The following TSGA10 variants were observed in gnomAD, a reference collection of about 807,000 sequenced individuals.
The protein encoded by TSGA10 is testis-specific gene 10 protein.
A neutral mutation model predicts 96.6 loss-of-function variants in TSGA10; 43 were observed. The observed-to-expected ratio is 0.44, with a 90% CI of 0.35 to 0.57. The LOEUF is 0.57. TSGA10 is among the 20% of genes least tolerant of loss of function. TSGA10 has a pLI of 0.01. For synonymous variants in TSGA10, 229 were observed against 269.9 expected, an observed-to-expected ratio of 0.85 and a Z score of 1.48; for missense variants, 703 against 834.4, an observed-to-expected ratio of 0.84 and a Z score of 1.94.
chr2:99,107,011 T>A (rs1024673175), intron 7 of TSGA10, among the ~76,000 whole-genome samples: 1 of 152,160 alleles, frequency 6.6e-6, no homozygotes, highest in African/African-American at 2.4e-5. Context: ...TGATGGCAAT[T>A]ACGACCTGAG....
intron 20 of TSGA10, among the ~76,000 whole-genome samples, chr2:99,006,113 C>A (rs573716285): frequency 2.3e-4 from 35 of 152,286 alleles, no homozygotes; most frequent in Admixed American, 1.8e-3. Flanking sequence ...AAACTGGATC[C>A]CTTCCTTACA....
chr2:99,047,030 T>A (rs949093069), intron 16 of TSGA10, among the ~76,000 whole-genome samples: 4 of 152,156 alleles, frequency 2.6e-5, no homozygotes, highest in Non-Finnish European at 5.9e-5. Context: ...CAGGAAGAAG[T>A]TGAATCCCTG....
intron 10 of TSGA10, among the ~76,000 whole-genome samples, chr2:99,098,565 A>G (rs962790892): frequency 6.6e-5 from 10 of 151,180 alleles, no homozygotes; most frequent in African/African-American, 2.4e-4. Context: ...AGAGGAAAGG[A>G]AATAATAAGA....
chr2:99,104,909 G>A (rs1397719296), intron 9 of TSGA10, among the ~76,000 whole-genome samples: 1 of 151,996 alleles, frequency 6.6e-6, no homozygotes, highest in Non-Finnish European at 1.5e-5. Flanking sequence ...TATATTCGTA[G>A]CAATATCAAA....
chr2:99,079,234 T>C (rs1203241683), intron 11 of TSGA10, among the ~76,000 whole-genome samples: 8 of 152,310 alleles, frequency 5.3e-5, no homozygotes, highest in African/African-American at 1.9e-4. Flanking sequence ...TAACAAATCT[T>C]AATAAAATAT....
Position 99,109,003 on chromosome 2 carries a change from T to C in TSGA10, c.52-12A>G, listed in dbSNP as rs377642881. On this transcript the variant is annotated splice_polypyrimidine_tract_variant and intron_variant, in intron 6 of 20. Coordinates refer to ENST00000393483, the MANE Select transcript of TSGA10 (RefSeq NM_025244.4). Reference sequence around the variant, plus strand: ...TCACAGTTTGCACCCTATAATTATATAAGGAATTTGAAATCTTCTTTGATA... The same window carrying C: ...TCACAGTTTGCACCCTATAATTATACAAGGAATTTGAAATCTTCTTTGATA... 3.4e-5 allele frequency: 51 copies of C among 1,487,588 alleles called. No individual in the cohort carries two copies. The African/African-American group carries it at 6.6e-4, about 19-fold the overall frequency. 92.1% of individuals were successfully genotyped at this position (1,487,588 alleles called of 1,614,324 possible). A position where few individuals can be genotyped will look rare whatever the true frequency, so the allele number is the denominator to read the frequency against.
chr2:99,095,156 C>T (rs1205094025), intron 10 of TSGA10, among the ~76,000 whole-genome samples: 1 of 152,066 alleles, frequency 6.6e-6, no homozygotes, highest in Non-Finnish European at 1.5e-5. Flanking sequence ...AATGGAAAAC[C>T]AAACATCTTA....
intron 13 of TSGA10, 65 bp from the exon 14 acceptor site, chr2:99,071,939 A>C: frequency 2.9e-5 from 41 of 1,419,674 alleles, no homozygotes; most frequent in Non-Finnish European, 3.6e-5. Context: ...ACAAATTCTC[A>C]CAAGACAGAA....
In TSGA10 at chr2:99,109,530, T is replaced by G; in HGVS notation, c.-73-18A>C. On this transcript the variant is annotated intron_variant, in intron 5 of 20. Transcript: ENST00000393483. The stretch of plus-strand genomic sequence containing the variant: ...AATCAAGTCTAGAAGGAGATTTATT[T>G]TGTGCTTTTTCAGTATCTAAAATTA... The G allele has an allele frequency of 6.6e-7, 1 of 1,514,544 alleles. No individual in the cohort carries two copies. The highest frequency in any genetic ancestry group is 1.4e-5 in the South Asian group (1 of 72,450). 93.8% of individuals were successfully genotyped at this position (1,514,544 alleles called of 1,614,324 possible). A position where few individuals can be genotyped will look rare whatever the true frequency, so the allele number is the denominator to read the frequency against.
intron 20 of TSGA10, among the ~76,000 whole-genome samples, chr2:99,010,337 A>G (rs1232930033): frequency 6.6e-6 from 1 of 152,198 alleles, no homozygotes; most frequent in Non-Finnish European, 1.5e-5. Flanking sequence ...ATACCAGGAA[A>G]ACCAAAAGAA....
Position 99,051,563 on chromosome 2 carries a change from T to C in TSGA10, c.1404+13376A>G, listed in dbSNP as rs558088433. On this transcript the variant is annotated intron_variant, in intron 16 of 20. Coordinates refer to ENST00000393483, the MANE Select transcript of TSGA10 (RefSeq NM_025244.4). ...GACTTCAATACAGCACTTACAATAA[T>C]GTTACCACAATAAGGCAGAAGATAA... 2.0e-5 allele frequency among the ~76,000 whole-genome samples: 3 copies of C among 152,240 alleles called. No individual in the cohort carries two copies. In the East Asian group the frequency reaches 5.8e-4, roughly 29 times the overall value.
chr2:99,016,892 T>C (rs1027905776), intron 20 of TSGA10, among the ~76,000 whole-genome samples: 1 of 152,030 alleles, frequency 6.6e-6, no homozygotes, highest in South Asian at 2.1e-4. Flanking sequence ...AACAAACATA[T>C]GAAAAGATGC....
At chr2:99,054,707 A>T (rs2083782317) in intron 16 of TSGA10, among the ~76,000 whole-genome samples, 4 of 152,214 alleles carry the variant, frequency 2.6e-5, no homozygotes, top group Non-Finnish European at 5.9e-5. Context: ...GACATTTCTC[A>T]AAAGAAGTCA....
chr2:99,035,188 C>T, intron 17 of TSGA10, 42 bp downstream of exon 17: 1 of 1,416,232 alleles, frequency 7.1e-7, no homozygotes, highest in Non-Finnish European at 9.6e-7. Context: ...ACTAACTTTA[C>T]AGTAATAGCA....
intron 1 of TSGA10, among the ~76,000 whole-genome samples, chr2:99,134,520 G>A (rs1359332143): frequency 6.6e-6 from 1 of 152,084 alleles, no homozygotes; most frequent in Non-Finnish European, 1.5e-5. Flanking sequence ...CATTGGGTTA[G>A]AACATGCTCC....
At chr2:99,040,818 T>C (rs1221206517) in intron 16 of TSGA10, among the ~76,000 whole-genome samples, 1 of 151,646 alleles carries the variant, frequency 6.6e-6, no homozygotes, top group East Asian at 1.9e-4. Flanking sequence ...CAGCATACTG[T>C]AGAAAGTAGA....
intron 10 of TSGA10, among the ~76,000 whole-genome samples, chr2:99,087,570 C>A (rs775679857): frequency 2.6e-5 from 4 of 152,100 alleles, no homozygotes; most frequent in African/African-American, 9.7e-5. Context: ...TACCTTTACT[C>A]CCAGCTACCT....
intron 20 of TSGA10, among the ~76,000 whole-genome samples, chr2:99,007,911 A>G (rs2078649505): frequency 1.3e-5 from 2 of 152,234 alleles, no homozygotes. Flanking sequence ...ATGAATAGGC[A>G]GATCAATGGA....
intron 2 of TSGA10, chr2:99,125,279 A>G (rs926347763): frequency 4.6e-5 from 7 of 152,206 alleles, no homozygotes; most frequent in African/African-American, 1.7e-4. Flanking sequence ...ATCTATTGAA[A>G]GATATCTTGG....
Sources: allele counts gnomAD v4.1 joint callset (sites outside exome capture counted in the v4.1 genomes callset), GRCh38; gene constraint gnomAD v4.1.1; transcripts MANE v1.5; gene names NCBI Gene and HGNC (gene_info 2026-07-23, HGNC 2026-07-21).